The following USP42 variants were observed in gnomAD, a reference collection of about 807,000 sequenced individuals.
The protein encoded by USP42 is ubiquitin carboxyl-terminal hydrolase 42.
A neutral mutation model predicts 113.0 loss-of-function variants in USP42; 23 were observed. The observed-to-expected ratio is 0.20, with a 90% CI of 0.15 to 0.29. USP42 has a LOEUF of 0.29. USP42 is among the 10% of genes least tolerant of loss of function. USP42 has a pLI of 1.00. For missense variants in USP42, 2,174 were observed against 1,779.8 expected (o/e 1.22, Z -3.99); for synonymous variants, 933 against 699.0 (o/e 1.33, Z -5.28).
At chr7:6,086,283 G>A in the USP42 span, among the ~76,000 whole-genome samples, 3 of 144,614 alleles carry the variant, frequency 2.1e-5, no homozygotes, top group African/African-American at 8.1e-5. Flanking sequence ...TCAGTTCACT[G>A]CAAGCTCTGC....
rs898123813 is a variant in USP42, at chr7:6,145,741, A to C, written c.1131+85A>C. 58 of 1,435,412 alleles carry C rather than the reference A, an allele frequency of 4.0e-5. No homozygotes were observed. In the African/African-American group the frequency reaches 6.8e-4, roughly 17 times the overall value. The allele number at this position is 1,435,412 out of a possible 1,614,324, so 88.9% of individuals were successfully genotyped here. A position where few individuals can be genotyped will look rare whatever the true frequency, so the allele number is the denominator to read the frequency against. Reference sequence around the variant, plus strand: ...CATTCTTGGGGTAGGGAGAGGTGGAACTTTTACAGTTAAAATGTGAATACC... The same window carrying C: ...CATTCTTGGGGTAGGGAGAGGTGGACCTTTTACAGTTAAAATGTGAATACC... On this transcript the variant is annotated intron_variant, in intron 10 of 17. Coordinates refer to ENST00000306177, the MANE Select transcript of USP42 (RefSeq NM_032172.3).
In USP42 at chr7:6,149,654, G is replaced by T; in HGVS notation, c.1458G>T (p.Gly486=). The T allele has an allele frequency of 6.2e-7, 1 of 1,613,926 alleles. No homozygotes were observed. The highest frequency in any genetic ancestry group is 8.5e-7 in the Non-Finnish European group (1 of 1,179,890). Residue 486 remains glycine (G), a synonymous_variant, in exon 13 of 18, where the codon GGG becomes GGT. Transcript: ENST00000306177. The part of the protein sequence containing the change: ...TPSSSMSSPN[G]NSSVNRASPV... ...GCAGTTCCATGTCGAGTCCTAACGG[G>T]AATTCCAGTGTCAACAGGGCTAGTC...
intron 10 of USP42, 36 bp downstream of exon 10, chr7:6,145,692 A>T (rs1781678151): frequency 6.3e-7 from 1 of 1,594,452 alleles, no homozygotes; most frequent in African/African-American, 1.3e-5. Flanking sequence ...CTATTGTTAC[A>T]TACATGCTAT....
At chr7:6,129,056 C>T (rs1037867226) in intron 3 of USP42, among the ~76,000 whole-genome samples, 5 of 152,302 alleles carry the variant, frequency 3.3e-5, no homozygotes, top group East Asian at 3.9e-4. Flanking sequence ...AGGCCATCCG[C>T]CCACCTCAGG....
At position 6,154,331 on chromosome 7, in the gene USP42, A is replaced by T. The variant is rs927961587; in HGVS notation, c.2777A>T (p.Asp926Val). ...CCTAGCCCCGGCGAGAGGGTCGAGG[A>T]CGCCGCGGCGCCGAAAGCCCCAGGC... is the stretch of plus-strand genomic sequence containing the variant. ...AEPSPGERVE[D>V]AAAPKAPGPS... Residue 926 changes from aspartate to valine, a missense_variant, in exon 15 of 18, where the codon GAC (aspartate) becomes GTC (valine). Physicochemically the swap from Asp to Val is radical, Grantham distance 152. Coordinates refer to ENST00000306177, the MANE Select transcript of USP42 (RefSeq NM_032172.3). The T allele has an allele frequency of 2.5e-6, 4 of 1,572,624 alleles. No homozygotes were observed. Among genetic ancestry groups the T allele is most frequent in the Non-Finnish European group, 3.4e-6 (4 of 1,160,240 alleles).
At position 6,154,408 on chromosome 7, in the gene USP42, C is replaced by T; in HGVS notation, c.2854C>T (p.His952Tyr). 3 of 1,577,112 alleles carry T rather than the reference C, an allele frequency of 1.9e-6. 1 individual carries two copies. Among genetic ancestry groups the T allele is most frequent in the East Asian group, 4.7e-5 (2 of 42,420 alleles). The change falls in exon 15 of 18, where the codon CAC (histidine) becomes TAC (tyrosine). Residue 952 changes from histidine (H) to tyrosine (Y), a missense_variant. His to Tyr is a moderately conservative substitution (Grantham distance 83, BLOSUM62 2). Coordinates refer to ENST00000306177, the MANE Select transcript of USP42 (RefSeq NM_032172.3). ...IGSLRKVDRGHYRSRRERSSS... is the reference protein window; with the variant it reads ...IGSLRKVDRGYYRSRRERSSS... ...CAGCCTCAGAAAGGTGGACCGAGGC[C>T]ACTACCGCAGCCGGAGAGAGCGCTC...
chr7:6,127,798 G>T (rs1410921709), intron 3 of USP42, among the ~76,000 whole-genome samples: 1 of 152,080 alleles, frequency 6.6e-6, no homozygotes, highest in Admixed American at 6.6e-5. Context: ...AAAATATTTT[G>T]CTGGGATTTT....
chr7:6,105,601 A>G (rs1583562720), intron 1 of USP42, among the ~76,000 whole-genome samples: 2 of 152,178 alleles, frequency 1.3e-5, no homozygotes, highest in South Asian at 2.1e-4. Flanking sequence ...CCCCAGGCCT[A>G]GCCACCTGGC....
the USP42 span, among the ~76,000 whole-genome samples, chr7:6,095,340 C>A: frequency 2.6e-5 from 4 of 151,144 alleles, no homozygotes; most frequent in Non-Finnish European, 5.9e-5. Context: ...TCTGAGCAGA[C>A]CCCTATTCCC....
intron 8 of USP42, 53 bp downstream of exon 8, chr7:6,143,067 C>T (rs941552109): frequency 6.9e-6 from 11 of 1,588,536 alleles, no homozygotes; most frequent in African/African-American, 2.7e-5. Flanking sequence ...GTGGGGATGG[C>T]CGGCAGGCTT....
At position 6,139,349 on chromosome 7, in the gene USP42, G is replaced by C. The variant is rs1346499048; in HGVS notation, c.656+155G>C. 1.5e-5 allele frequency: 8 copies of C among 536,670 alleles called. No individual in the cohort carries two copies. The highest frequency in any genetic ancestry group is 1.2e-4 in the African/African-American group (6 of 50,840). The allele number at this position is 536,670 out of a possible 1,614,324, so 33.2% of individuals were successfully genotyped here. A position where few individuals can be genotyped will look rare whatever the true frequency, so the allele number is the denominator to read the frequency against. On this transcript the variant is annotated intron_variant, in intron 5 of 17. Transcript: ENST00000306177. This position sits in a 1 kb window ranked among gnomAD's most constrained non-coding sequence, Gnocchi z 4.5. ...GCTCTGCCTCTTCCTTAGGTGATGT[G>C]CATTATTTTAAAATGGTTGAAATTT...
the USP42 span, among the ~76,000 whole-genome samples, chr7:6,088,563 T>A: frequency 6.6e-6 from 1 of 151,136 alleles, no homozygotes; most frequent in African/African-American, 2.5e-5. Context: ...GGCCTCCTAC[T>A]CTTATTACTC....
the USP42 span, among the ~76,000 whole-genome samples, chr7:6,092,457 G>T: frequency 3.3e-5 from 5 of 150,844 alleles, 1 homozygote; most frequent in African/African-American, 1.2e-4. Flanking sequence ...GGGATTACAG[G>T]CATGCGCCAC....
chr7:6,138,609 G>A (rs546219069), intron 4 of USP42, among the ~76,000 whole-genome samples: 4 of 152,330 alleles, frequency 2.6e-5, no homozygotes, highest in South Asian at 2.1e-4. Flanking sequence ...CCCCTGGGCC[G>A]TAGACTGGTA....
chr7:6,145,159 C>T (rs1210555353), intron 9 of USP42, among the ~76,000 whole-genome samples: 1 of 151,720 alleles, frequency 6.6e-6, no homozygotes, highest in Non-Finnish European at 1.5e-5. Context: ...TGGTGAAACC[C>T]CTGTCTCTAC....
chr7:6,117,024 C>G, intron 3 of USP42: 1 of 366,474 alleles, frequency 2.7e-6, no homozygotes, highest in Non-Finnish European at 5.3e-6. Context: ...CTCTCTTTTC[C>G]CAGCTTTACT....
chr7:6,152,773 A>G (rs1782148663), intron 14 of USP42, among the ~76,000 whole-genome samples: 3 of 152,204 alleles, frequency 2.0e-5, no homozygotes, highest in Non-Finnish European at 4.4e-5. Context: ...TCAAAGGACA[A>G]AGTTAATTTA....
intron 3 of USP42, among the ~76,000 whole-genome samples, chr7:6,120,004 C>T (rs138780737): frequency 0.023 from 3,448 of 152,212 alleles, 124 homozygotes; most frequent in African/African-American, 0.078. Flanking sequence ...CTCGCTCTGC[C>T]GCCCGGGCTG....
chr7:6,112,185 C>T (rs1779631378), intron 2 of USP42, among the ~76,000 whole-genome samples: 2 of 151,908 alleles, frequency 1.3e-5, no homozygotes, highest in South Asian at 4.2e-4. Flanking sequence ...CATGGTGGCT[C>T]CACCTGTTAT....
Sources: allele counts gnomAD v4.1 joint callset (sites outside exome capture counted in the v4.1 genomes callset), GRCh38; gene constraint gnomAD v4.1.1; non-coding constraint Gnocchi (gnomAD v3.1); transcripts MANE v1.5; gene names NCBI Gene and HGNC (gene_info 2026-07-23, HGNC 2026-07-21).